LTBR: variants seen among roughly 807,000 people sequenced by gnomAD.
The protein encoded by LTBR is lymphotoxin beta receptor.
LTBR carries 15 observed loss-of-function variants against 45.4 expected under a neutral mutation model. That is an observed-to-expected ratio of 0.33 (90% CI 0.22 to 0.51). The LOEUF (loss-of-function observed/expected upper bound fraction) is 0.51. LTBR is among the 20% of genes least tolerant of loss of function. The pLI is 0.97. For missense variants in LTBR, 450 were observed against 565.5 expected (o/e 0.80, Z 2.07); for synonymous variants, 228 against 231.0 (o/e 0.99, Z 0.12).
chr12:6,385,824 G>C (rs1418320359), intron 4 of LTBR: 1 of 400,486 alleles, frequency 2.5e-6, no homozygotes, highest in African/African-American at 2.2e-5. Context: ...AGAATGGCGT[G>C]AACTTGGGAG....
chr12:6,383,079 G>A (rs1186750930), upstream of LTBR, among the ~76,000 whole-genome samples: 1 of 152,214 alleles, frequency 6.6e-6, no homozygotes, highest in Non-Finnish European at 1.5e-5. Flanking sequence ...GGGCCATGGT[G>A]GCACTCACAG....
chr12:6,382,166 G>T (rs1047411594), upstream of LTBR, among the ~76,000 whole-genome samples: 1 of 152,076 alleles, frequency 6.6e-6, no homozygotes, highest in Non-Finnish European at 1.5e-5. Flanking sequence ...GGGAAAAAAA[G>T]AAAAATAGAA....
At chr12:6,375,729 A>C in intron 1 of LTBR, 1 of 1,423,012 alleles carries the variant, frequency 7.0e-7, no homozygotes, top group Non-Finnish European at 9.2e-7. Flanking sequence ...CTTTAGACGC[A>C]GACAGGCAAG....
chr12:6,376,311 G>A, intron 1 of LTBR: 1 of 351,176 alleles, frequency 2.8e-6, no homozygotes, highest in Non-Finnish European at 4.0e-6. Context: ...GGGCTAGGCG[G>A]GGCCCTAGGA....
At chr12:6,380,498 A>T (rs747934720), upstream of LTBR, among the ~76,000 whole-genome samples, 13 of 152,170 alleles carry the variant, frequency 8.5e-5, no homozygotes, top group Non-Finnish European at 1.6e-4. Flanking sequence ...CCTGTGGCCA[A>T]CATGGCAAAA....
In LTBR at chr12:6,384,284, C is replaced by A. The variant is rs1413529850; in HGVS notation, c.-75C>A. On this transcript the variant is annotated 5_prime_UTR_variant, in exon 1 of 10. Transcript: ENST00000228918. The stretch of plus-strand genomic sequence containing the variant: ...TCTGGGCTCGGGCAGCCGCCGCCAC[C>A]GCTGCCCAGGACGTCGGGCCTCCTG... 8.4e-6 allele frequency: 12 copies of A among 1,423,494 alleles called. No homozygotes were observed. The highest frequency in any genetic ancestry group is 5.2e-4 in the Middle Eastern group (2 of 3,866). The allele number at this position is 1,423,494 out of a possible 1,614,324, so 88.2% of individuals were successfully genotyped here.
At chr12:6,379,195 C>T (rs1445263441), upstream of LTBR, among the ~76,000 whole-genome samples, 6 of 152,248 alleles carry the variant, frequency 3.9e-5, no homozygotes, top group Non-Finnish European at 1.5e-5. Flanking sequence ...AGAGACCAGG[C>T]GTATTCATCT....
intron 9 of LTBR, 25 bp from the exon 10 acceptor site, chr12:6,390,635 C>T (rs1949102683): frequency 6.7e-7 from 1 of 1,498,374 alleles, no homozygotes; most frequent in Non-Finnish European, 8.9e-7. Context: ...CTTCCTTCCT[C>T]AACACTCTGC....
rs886214450 is a variant in LTBR, at chr12:6,388,737, A to T, written c.776-63A>T. 1.3e-4 allele frequency: 214 copies of T among 1,603,370 alleles called. 5 individuals carry two copies. Among genetic ancestry groups the T allele is most frequent in the Non-Finnish European group, 9.8e-5 (115 of 1,170,864 alleles). ...TGCTACACATTGTGCTGGGATGTGG[A>T]GGCTGAAAGGCTAGGTCTGAGGCCT... On this transcript the variant is annotated intron_variant, in intron 7 of 9. Coordinates refer to ENST00000228918, the MANE Select transcript of LTBR (RefSeq NM_002342.3). The surrounding 1 kb of genome is among the most constrained non-coding windows in gnomAD (Gnocchi z 4.3).
At chr12:6,375,961 G>T in intron 1 of LTBR, 1 of 1,036,768 alleles carries the variant, frequency 9.6e-7, no homozygotes, top group Non-Finnish European at 1.2e-6. Flanking sequence ...AGTGAGTAGA[G>T]GCAGGTGGGG....
At chr12:6,390,565 G>A (rs940319439) in intron 9 of LTBR, 95 bp from the exon 10 acceptor site, 2 of 1,304,788 alleles carry the variant, frequency 1.5e-6, no homozygotes, top group East Asian at 2.3e-5. Context: ...GAGGGGCGGG[G>A]CCAGGGGAAA....
chr12:6,389,059 T>TGC, intron 8 of LTBR: 1 of 513,480 alleles, frequency 1.9e-6, no homozygotes. Flanking sequence ...AAGAATAAGT[T>TGC]AAACTATATA....
intron 1 of LTBR, chr12:6,376,014 G>A: frequency 2.0e-6 from 2 of 1,000,386 alleles, no homozygotes; most frequent in Non-Finnish European, 2.4e-6. Flanking sequence ...ACCAAAGGGA[G>A]TCTGTCTCCA....
chr12:6,384,285 G>C lies in LTBR; in HGVS notation c.-74G>C, dbSNP rs989901423. 3.2e-5 allele frequency: 46 copies of C among 1,420,722 alleles called. No homozygotes were observed. The Admixed American group carries it at 1.3e-3, about 40-fold the overall frequency. The allele number at this position is 1,420,722 out of a possible 1,614,324, so 88.0% of individuals were successfully genotyped here. A position where few individuals can be genotyped will look rare whatever the true frequency, so the allele number is the denominator to read the frequency against. On this transcript the variant is annotated 5_prime_UTR_variant, in exon 1 of 10. Transcript: ENST00000228918. ...CTGGGCTCGGGCAGCCGCCGCCACC[G>C]CTGCCCAGGACGTCGGGCCTCCTGC...
At chr12:6,377,767 A>C in intron 1 of LTBR, 152 of 837,808 alleles carry the variant, frequency 1.8e-4, no homozygotes, top group Middle Eastern at 2.6e-4. Context: ...TTGCCAGCTC[A>C]TGCCTGAAAT....
At position 6,386,020 on chromosome 12, in the gene LTBR, T is replaced by C. The variant is rs1949041346; in HGVS notation, c.473-46T>C. On this transcript the variant is annotated intron_variant, in intron 4 of 9. Coordinates refer to ENST00000228918, the MANE Select transcript of LTBR (RefSeq NM_002342.3). This position sits in a 1 kb window ranked among gnomAD's most constrained non-coding sequence, Gnocchi z 4.1. ...AACTCACAGGCCGGCAAAGGGCCCC[T>C]CCCTTTTGCCCATTCACCCTGGCTG... 7.4e-7 allele frequency: 1 copy of C among 1,350,098 alleles called. No individual in the cohort carries two copies. The highest frequency in any genetic ancestry group is 1.5e-5 in the African/African-American group (1 of 68,424). The allele number at this position is 1,350,098 out of a possible 1,614,324, so 83.6% of individuals were successfully genotyped here.
intron 1 of LTBR, among the ~76,000 whole-genome samples, chr12:6,379,140 C>T (rs1948951019): frequency 6.6e-6 from 1 of 152,086 alleles, no homozygotes; most frequent in Non-Finnish European, 1.5e-5. Context: ...TGTGTTTGTA[C>T]GTATACATCC....
chr12:6,383,918 T>A, upstream of LTBR: 1 of 672,370 alleles, frequency 1.5e-6, no homozygotes, highest in Non-Finnish European at 1.9e-6. Flanking sequence ...GTCCAAGGGC[T>A]GACCCCGGGC....
chr12:6,381,704 G>A (rs1378940057), upstream of LTBR, among the ~76,000 whole-genome samples: 1 of 152,204 alleles, frequency 6.6e-6, no homozygotes, highest in Non-Finnish European at 1.5e-5. Flanking sequence ...GCCGGGTGCC[G>A]TGGCTCACGC....
Sources: gnomAD v4.1 joint callset for allele counts (sites outside exome capture counted in the v4.1 genomes callset) on GRCh38, gnomAD v4.1.1 for gene constraint, Gnocchi (gnomAD v3.1) non-coding constraint, MANE v1.5 for transcripts, NCBI Gene and HGNC (gene_info 2026-07-23, HGNC 2026-07-21) for gene names.